PLEKHM2: variants seen among roughly 807,000 people sequenced by gnomAD.
The protein encoded by PLEKHM2 is pleckstrin homology and RUN domain containing M2, also known as pleckstrin homology domain-containing family M member 2.
A neutral mutation model predicts 116.3 loss-of-function variants in PLEKHM2; 77 were observed. The observed-to-expected ratio is 0.66, with a 90% confidence interval of 0.55 to 0.80. The LOEUF is 0.80. Ranked by LOEUF, PLEKHM2 falls within the 30% of genes least tolerant of loss-of-function variation. PLEKHM2 has a pLI of 0.00. For synonymous variants in PLEKHM2, 562 were observed against 571.0 expected, an observed-to-expected ratio of 0.98 and a Z score of 0.22; for missense variants, 1,183 against 1,354.9, an observed-to-expected ratio of 0.87 and a Z score of 1.99.
chr1:15,729,335 G>T lies in PLEKHM2; in HGVS notation c.2075+145G>T. On this transcript the variant is annotated intron_variant, in intron 13 of 19. Coordinates refer to ENST00000375799, the MANE Select transcript of PLEKHM2 (RefSeq NM_015164.4). This position sits in a 1 kb window ranked among gnomAD's most constrained non-coding sequence, Gnocchi z 4.7. ...TGTATTCCCTCTGGAACCTGCATCT[G>T]CTCAGAGAGGCAGGCAAGTAGACGA... is the stretch of plus-strand genomic sequence containing the variant. 1.4e-6 allele frequency: 1 copy of T among 712,984 alleles called. No homozygotes were observed. The highest frequency in any genetic ancestry group is 2.5e-6 in the Non-Finnish European group (1 of 402,924). 44.2% of individuals were successfully genotyped at this position (712,984 alleles called of 1,614,324 possible). A position where few individuals can be genotyped will look rare whatever the true frequency, so the allele number is the denominator to read the frequency against.
Position 15,719,900 on chromosome 1 carries a change from C to T in PLEKHM2, c.632C>T (p.Ala211Val), listed in dbSNP as rs373741350. ...TSTNLEWDDSAIAPSSEDYDF... is the reference protein window; with the variant it reads ...TSTNLEWDDSVIAPSSEDYDF... ...ACCAACCTGGAGTGGGATGACAGTG[C>T]GATTGCCCCATCTAGTGAGGGTGAG... Residue 211 changes from alanine to valine, a missense_variant, in exon 6 of 20, where the codon GCG becomes GTG. Physicochemically the swap from Ala to Val is moderately conservative, Grantham distance 64. Coordinates refer to ENST00000375799, the MANE Select transcript of PLEKHM2 (RefSeq NM_015164.4). This position sits in a 1 kb window ranked among gnomAD's most constrained non-coding sequence, Gnocchi z 4.1. The T allele has an allele frequency of 4.3e-5, 70 of 1,612,932 alleles. No individual in the cohort carries two copies. The highest frequency in any genetic ancestry group is 5.3e-5 in the Non-Finnish European group (63 of 1,179,400).
In PLEKHM2 at chr1:15,727,626, G is replaced by C. The variant is rs760098746; in HGVS notation, c.1554G>C (p.Glu518Asp). Residue 518 changes from glutamate to aspartate, a missense_variant, in exon 9 of 20, where the codon GAG becomes GAC. Glu to Asp is a conservative substitution (Grantham distance 45, BLOSUM62 2). Coordinates refer to ENST00000375799, the MANE Select transcript of PLEKHM2 (RefSeq NM_015164.4). This position sits in a 1 kb window ranked among gnomAD's most constrained non-coding sequence, Gnocchi z 7.5. ...GGEGQTPRPLEDTTREAQELE... is the reference protein window; with the variant it reads ...GGEGQTPRPLDDTTREAQELE... The stretch of plus-strand genomic sequence containing the variant: ...AGGGACAGACGCCTCGGCCCCTAGA[G>C]GATACCACGAGGGAGGCTCAGGAGC... The C allele has an allele frequency of 3.1e-6, 5 of 1,590,754 alleles. No homozygotes were observed. The South Asian group carries it at 5.7e-5, about 18-fold the overall frequency.
At chr1:15,700,024 T>C (rs926877078) in intron 1 of PLEKHM2, among the ~76,000 whole-genome samples, 7 of 149,708 alleles carry the variant, frequency 4.7e-5, no homozygotes, top group Non-Finnish European at 3.0e-5. Context: ...AAATTAGCAG[T>C]GTACATCGGA....
At chr1:15,713,522 T>A (rs1294622409) in intron 1 of PLEKHM2, among the ~76,000 whole-genome samples, 1 of 152,206 alleles carries the variant, frequency 6.6e-6, no homozygotes, top group Non-Finnish European at 1.5e-5. Context: ...CTAAAAACCA[T>A]ATTGAGGGAC....
chr1:15,702,975 C>G (rs1641147034), intron 1 of PLEKHM2, among the ~76,000 whole-genome samples: 1 of 152,146 alleles, frequency 6.6e-6, no homozygotes, highest in Non-Finnish European at 1.5e-5. Flanking sequence ...AATACTCCCG[C>G]TGACTCAGCC....
chr1:15,724,940 G>A (rs571615853), intron 7 of PLEKHM2, among the ~76,000 whole-genome samples: 3 of 152,040 alleles, frequency 2.0e-5, no homozygotes, highest in African/African-American at 4.8e-5. Context: ...CCTAAGAGGC[G>A]TGCAGCCTGG....
chr1:15,727,934 C>A lies in PLEKHM2; in HGVS notation c.1760+102C>A. The A allele has an allele frequency of 8.2e-7, 1 of 1,221,898 alleles. No homozygotes were observed. The highest frequency in any genetic ancestry group is 1.2e-6 in the Non-Finnish European group (1 of 858,768). The allele number at this position is 1,221,898 out of a possible 1,614,324, so 75.7% of individuals were successfully genotyped here. A position where few individuals can be genotyped will look rare whatever the true frequency, so the allele number is the denominator to read the frequency against. On this transcript the variant is annotated intron_variant, in intron 9 of 19. Transcript: ENST00000375799. This position sits in a 1 kb window ranked among gnomAD's most constrained non-coding sequence, Gnocchi z 7.5. ...AAATTAAGCACTAGGAAGACCTAGC[C>A]TGAGTGAGAAGGGGTGTGAGCCTCC...
chr1:15,714,789 C>T (rs1641410893), intron 1 of PLEKHM2, among the ~76,000 whole-genome samples: 1 of 152,232 alleles, frequency 6.6e-6, no homozygotes, highest in Non-Finnish European at 1.5e-5. Flanking sequence ...GTGCTCTTGT[C>T]TTGTGTTCCA....
chr1:15,727,274 C>G lies in PLEKHM2; in HGVS notation c.1202C>G (p.Thr401Ser), dbSNP rs2068076599. Reference sequence around the variant, plus strand: ...CTGCTGATCCCTGAGATGAAGGACACCTCCATGGAGCGCTTGGGGCAGCCC... The same window carrying G: ...CTGCTGATCCCTGAGATGAAGGACAGCTCCATGGAGCGCTTGGGGCAGCCC... ...PGLLIPEMKD[T>S]SMERLGQPLS... is the part of the protein sequence containing the mutation. The change falls in exon 9 of 20, where the codon ACC becomes AGC. Residue 401 changes from threonine to serine, a missense_variant. Transcript: ENST00000375799. This position sits in a 1 kb window ranked among gnomAD's most constrained non-coding sequence, Gnocchi z 7.5. 1.2e-6 allele frequency: 2 copies of G among 1,606,018 alleles called. No individual in the cohort carries two copies. Among genetic ancestry groups the G allele is most frequent in the Admixed American group, 1.7e-5 (1 of 59,132 alleles).
rs200170547 is a variant in PLEKHM2 at position 15,701,888 on chromosome 1, G to T, written c.61-14349G>T. Among the ~76,000 whole-genome samples the T allele has an allele frequency of 2.0e-5, 3 of 152,306 alleles. No individual in the cohort carries two copies. The East Asian group carries it at 5.8e-4, about 29-fold the overall frequency. ...CTGAGGGGATGGATGTCGAGCACTG[G>T]CCCTTCCCTTACATTCACAAGAGGC... On this transcript the variant is annotated intron_variant, in intron 1 of 19. Transcript: ENST00000375799.
chr1:15,683,471 G>C (rs969466630), upstream of PLEKHM2, among the ~76,000 whole-genome samples: 3 of 151,922 alleles, frequency 2.0e-5, no homozygotes, highest in African/African-American at 7.3e-5. Flanking sequence ...CAGGGTCTGT[G>C]GGTGTCTCGA....
At chr1:15,696,251 C>T (rs1640993087) in intron 1 of PLEKHM2, among the ~76,000 whole-genome samples, 1 of 152,336 alleles carries the variant, frequency 6.6e-6, no homozygotes, top group East Asian at 1.9e-4. Context: ...CCTTTTCCTT[C>T]TCCATGGTGT....
rs1441630074 is a variant in PLEKHM2 at position 15,728,501 on chromosome 1, A to T, written c.1921+144A>T. ...GCACCCCAAGGAAGGTGTTGCCAGC[A>T]GCCCTGAGACGTGAGCCTGGGGCTC... is the stretch of plus-strand genomic sequence containing the variant. On this transcript the variant is annotated intron_variant, in intron 11 of 19. Transcript: ENST00000375799. This position sits in a 1 kb window ranked among gnomAD's most constrained non-coding sequence, Gnocchi z 5.9. 6 of 982,466 alleles carry T rather than the reference A, an allele frequency of 6.1e-6. No individual in the cohort carries two copies. The highest frequency in any genetic ancestry group is 9.2e-6 in the Non-Finnish European group (6 of 655,330). The allele number at this position is 982,466 out of a possible 1,614,324, so 60.9% of individuals were successfully genotyped here.
At chr1:15,692,163 T>C (rs2148331677) in intron 1 of PLEKHM2, among the ~76,000 whole-genome samples, 1 of 152,034 alleles carries the variant, frequency 6.6e-6, no homozygotes, top group Non-Finnish European at 1.5e-5. Flanking sequence ...GGAGAGGGAC[T>C]GGTAGGTAGG....
At position 15,728,538 on chromosome 1, in the gene PLEKHM2, A is replaced by G; in HGVS notation, c.1922-131A>G. The G allele has an allele frequency of 1.0e-6, 1 of 983,878 alleles. No homozygotes were observed. The highest frequency in any genetic ancestry group is 1.5e-5 in the South Asian group (1 of 67,496). 60.9% of individuals were successfully genotyped at this position (983,878 alleles called of 1,614,324 possible). On this transcript the variant is annotated intron_variant, in intron 11 of 19. Coordinates refer to ENST00000375799, the MANE Select transcript of PLEKHM2 (RefSeq NM_015164.4). This position sits in a 1 kb window ranked among gnomAD's most constrained non-coding sequence, Gnocchi z 5.9. ...TGAGCCTGGGGCTCCCTCTGTGAGC[A>G]CTCCACGCCATTCTCCTACTGCAGG...
chr1:15,711,414 G>A (rs1641328068), intron 1 of PLEKHM2, among the ~76,000 whole-genome samples: 2 of 151,520 alleles, frequency 1.3e-5, no homozygotes, highest in South Asian at 4.2e-4. Context: ...TCAGGAGTTC[G>A]AGACCAGCCT....
intron 1 of PLEKHM2, among the ~76,000 whole-genome samples, chr1:15,703,921 G>C (rs1447026500): frequency 6.6e-6 from 1 of 152,192 alleles, no homozygotes; most frequent in Non-Finnish European, 1.5e-5. Flanking sequence ...AAAATCAGCA[G>C]CAGGGACAGG....
intron 1 of PLEKHM2, among the ~76,000 whole-genome samples, chr1:15,700,320 T>C (rs1641085657): frequency 6.6e-6 from 1 of 152,126 alleles, no homozygotes; most frequent in African/African-American, 2.4e-5. Flanking sequence ...TGGCAGCTGA[T>C]GTCCTGACTG....
intron 1 of PLEKHM2, among the ~76,000 whole-genome samples, chr1:15,714,902 C>T (rs1228355251): frequency 6.6e-6 from 1 of 152,230 alleles, no homozygotes; most frequent in Non-Finnish European, 1.5e-5. Context: ...GGCCCTCTCT[C>T]TGTAACTGCG....
Sources: gnomAD v4.1 joint callset for allele counts (sites outside exome capture counted in the v4.1 genomes callset) on GRCh38, gnomAD v4.1.1 for gene constraint, Gnocchi (gnomAD v3.1) non-coding constraint, MANE v1.5 for transcripts, NCBI Gene and HGNC (gene_info 2026-07-23, HGNC 2026-07-21) for gene names.